IBA57: variants seen among roughly 807,000 people sequenced by gnomAD.
IBA57 encodes iron-sulfur cluster assembly factor IBA57, mitochondrial.
Under a neutral mutation model 20.4 loss-of-function variants are expected in IBA57, and 20 were observed. The observed-to-expected ratio is 0.98, with a 90% CI of 0.69 to 1.42. IBA57 has a LOEUF of 1.42. Ranked by LOEUF, IBA57 falls within the 40% of genes most tolerant of loss-of-function variation. The pLI is 0.00. For missense variants in IBA57, 608 were observed against 499.3 expected, an observed-to-expected ratio of 1.22 and a Z score of -2.07; for synonymous variants, 310 against 233.9, an observed-to-expected ratio of 1.33 and a Z score of -2.97.
At chr1:228,172,400 G>C (rs904749885) in intron 1 of IBA57, 1 of 152,196 alleles carries the variant, frequency 6.6e-6, no homozygotes, top group Non-Finnish European at 1.5e-5. Flanking sequence ...CTGTAAAATC[G>C]TGTCATTTCA....
chr1:228,169,051 C>T (rs548698274), intron 1 of IBA57, among the ~76,000 whole-genome samples: 31 of 152,048 alleles, frequency 2.0e-4, no homozygotes, highest in Non-Finnish European at 2.5e-4. Context: ...CTTAGGGCTG[C>T]GCTCGTTGGG....
In IBA57 at chr1:228,166,071, CGCGG is replaced by C. The variant is rs1002617439; in HGVS notation, c.257_260del (p.Ala86GlyfsTer14). 3 of 1,537,042 alleles carry C rather than the reference CGCGG, an allele frequency of 2.0e-6. No homozygotes were observed. In the African/African-American group the frequency reaches 4.2e-5, roughly 21 times the overall value. ...AACTGCCGCTTCCGAGTCCTGCGGC[CGCGG>C]GGGCCCCGCCTGCTGCGCGCGCGGG... On this transcript the variant is annotated frameshift_variant, in exon 1 of 3. Coordinates refer to ENST00000366711, the MANE Select transcript of IBA57 (RefSeq NM_001010867.4). LOFTEE classifies it high-confidence loss of function.
chr1:228,170,024 G>A lies in IBA57; in HGVS notation c.341+3867G>A, dbSNP rs1409012267. On this transcript the variant is annotated intron_variant, in intron 1 of 2. Coordinates refer to ENST00000366711, the MANE Select transcript of IBA57 (RefSeq NM_001010867.4). This position sits in a 1 kb window ranked among gnomAD's most constrained non-coding sequence, Gnocchi z 4.8. Reference sequence around the variant, plus strand: ...TGGGATTACAGGCATGCACCACCACGCCCAGCTAATTTTTGTATCTTTTTT... The same window carrying A: ...TGGGATTACAGGCATGCACCACCACACCCAGCTAATTTTTGTATCTTTTTT... 1.3e-5 allele frequency among the ~76,000 whole-genome samples: 2 copies of A among 152,016 alleles called. No individual in the cohort carries two copies. The highest frequency in any genetic ancestry group is 6.6e-5 in the Admixed American group (1 of 15,266).
intron 1 of IBA57, chr1:228,171,766 C>T (rs981615916): frequency 6.5e-6 from 1 of 153,274 alleles, no homozygotes; most frequent in Non-Finnish European, 1.5e-5. Flanking sequence ...GACCTGTGGT[C>T]CCTCAGCTCC....
Position 228,166,145 on chromosome 1 carries a change from T to C in IBA57, c.329T>C (p.Val110Ala), listed in dbSNP as rs769854120. 1.2e-5 allele frequency: 18 copies of C among 1,515,498 alleles called. 1 individual carries two copies. In the South Asian group the frequency reaches 1.6e-4, roughly 14 times the overall value. 93.9% of individuals were successfully genotyped at this position (1,515,498 alleles called of 1,614,324 possible). The change falls in exon 1 of 3, where the codon GTC (valine) becomes GCC (alanine). Residue 110 changes from valine (V) to alanine (A), a missense_variant. Physicochemically the swap from Val to Ala is moderately conservative, Grantham distance 64 (BLOSUM62 0). Transcript: ENST00000366711. Reference sequence around the variant, plus strand: ...GTGCAGGGCCGGACGCTCTATGACGTCATCTTGTACGGGTGAGCGCGTGCT... The same window carrying C: ...GTGCAGGGCCGGACGCTCTATGACGCCATCTTGTACGGGTGAGCGCGTGCT... The part of the protein sequence containing the change: ...LNVQGRTLYD[V>A]ILYGLQEHSE...
chr1:228,174,998 G>C lies in IBA57; in HGVS notation c.648G>C (p.Leu216Phe). 1.3e-6 allele frequency: 2 copies of C among 1,549,996 alleles called. No individual in the cohort carries two copies. The highest frequency in any genetic ancestry group is 2.3e-5 in the East Asian group (1 of 44,194). The change falls in exon 2 of 3, where the codon TTG (leucine) becomes TTC (phenylalanine). Residue 216 changes from leucine (L) to phenylalanine (F), a missense_variant. Physicochemically the swap from Leu to Phe is conservative, Grantham distance 22. Transcript: ENST00000366711. ...ALVPGGRLGDLWDYHQHRYLQ... is the reference protein window; with the variant it reads ...ALVPGGRLGDFWDYHQHRYLQ... Reference sequence around the variant, plus strand: ...TGCCCGGGGGCCGGCTCGGGGACTTGTGGGATTATCACCAGCACCGATACC... The same window carrying C: ...TGCCCGGGGGCCGGCTCGGGGACTTCTGGGATTATCACCAGCACCGATACC...
rs761470174 is a variant in IBA57, at chr1:228,175,433, C to T, written c.991C>T (p.Leu331=). 7.4e-6 allele frequency: 12 copies of T among 1,612,216 alleles called. No individual in the cohort carries two copies. Among genetic ancestry groups the T allele is most frequent in the Admixed American group, 1.7e-5 (1 of 59,916 alleles). Residue 331 remains leucine (L), a synonymous_variant, in exon 3 of 3, where the codon CTG becomes TTG. Coordinates refer to ENST00000366711, the MANE Select transcript of IBA57 (RefSeq NM_001010867.4). ...LLWSEKIKGP[L]HIRASEGAQV... ...GTGGTCAGAGAAGATCAAGGGTCCT[C>T]TGCACATCAGAGCCTCTGAGGGTGC...
Position 228,166,089 on chromosome 1 carries a change from T to A in IBA57, c.273T>A (p.Ala91=). The stretch of plus-strand genomic sequence containing the variant: ...CTGCGGCCGCGGGGGCCCCGCCTGC[T>A]GCGCGCGCGGGCTACGCCCACTTCC... ...PSPAAAGAPP[A]ARAGYAHFLN... Residue 91 remains alanine, a synonymous_variant, in exon 1 of 3, where the codon GCT becomes GCA. Coordinates refer to ENST00000366711, the MANE Select transcript of IBA57 (RefSeq NM_001010867.4). 1 of 1,538,892 alleles carries A rather than the reference T, an allele frequency of 6.5e-7. No homozygotes were observed.
chr1:228,168,510 T>A (rs1229404006), intron 1 of IBA57, among the ~76,000 whole-genome samples: 2 of 152,146 alleles, frequency 1.3e-5, no homozygotes, highest in Non-Finnish European at 2.9e-5. Flanking sequence ...CTCTTCATCC[T>A]TTCTTGCCTG....
rs764736636 is a variant in IBA57 at position 228,175,531 on chromosome 1, C to T, written c.*18C>T. 3.3e-6 allele frequency: 5 copies of T among 1,537,866 alleles called. No homozygotes were observed. The Admixed American group carries it at 5.9e-5, about 18-fold the overall frequency. On this transcript the variant is annotated 3_prime_UTR_variant, in exon 3 of 3. Transcript: ENST00000366711. Reference sequence around the variant, plus strand: ...CCAAGTAGTCCGAAGCCTTGGCTGGCGCAGGCTGATGGGGAGGCTGGGGCC... The same window carrying T: ...CCAAGTAGTCCGAAGCCTTGGCTGGTGCAGGCTGATGGGGAGGCTGGGGCC...
rs1254203432 is a variant in IBA57, at chr1:228,176,646, A to G, written c.*1133A>G. 1 of 152,394 alleles carries G rather than the reference A, an allele frequency of 6.6e-6. No individual in the cohort carries two copies. Among genetic ancestry groups the G allele is most frequent in the Non-Finnish European group, 1.5e-5 (1 of 68,186 alleles). 9.4% of individuals were successfully genotyped at this position (152,394 alleles called of 1,614,324 possible). A position where few individuals can be genotyped will look rare whatever the true frequency, so the allele number is the denominator to read the frequency against. On this transcript the variant is annotated 3_prime_UTR_variant, in exon 3 of 3. Transcript: ENST00000366711. Reference sequence around the variant, plus strand: ...GGCCTGGGGGGCAGGCGTTTGGGCCACCAAGCTGGACGTTAGGGTGGCCAC... The same window carrying G: ...GGCCTGGGGGGCAGGCGTTTGGGCCGCCAAGCTGGACGTTAGGGTGGCCAC...
chr1:228,166,249 G>A, intron 1 of IBA57, 92 bp downstream of exon 1: 2 of 757,578 alleles, frequency 2.6e-6, no homozygotes, highest in Non-Finnish European at 3.5e-6. Context: ...CCCGGGGCCT[G>A]CAGAGGGCGT....
rs1420665105 is a variant in IBA57, at chr1:228,178,050, T to A, written c.*2537T>A. 6.6e-6 allele frequency: 1 copy of A among 152,146 alleles called. No homozygotes were observed. Among genetic ancestry groups the A allele is most frequent in the Non-Finnish European group, 1.5e-5 (1 of 68,086 alleles). 9.4% of individuals were successfully genotyped at this position (152,146 alleles called of 1,614,324 possible). Reference sequence around the variant, plus strand: ...GTGAATTCAAGGCATAAGGTGCAGTTGTGTTATGTGGGTATAGTGCATGGT... The same window carrying A: ...GTGAATTCAAGGCATAAGGTGCAGTAGTGTTATGTGGGTATAGTGCATGGT... On this transcript the variant is annotated 3_prime_UTR_variant, in exon 3 of 3. Coordinates refer to ENST00000366711, the MANE Select transcript of IBA57 (RefSeq NM_001010867.4).
intron 1 of IBA57, chr1:228,171,151 C>T (rs2034920100): frequency 6.6e-6 from 1 of 152,194 alleles, no homozygotes; most frequent in East Asian, 1.9e-4. Context: ...AACCAGGTAC[C>T]CTATATTTTC....
At position 228,177,142 on chromosome 1, in the gene IBA57, G is replaced by C. The variant is rs907447011; in HGVS notation, c.*1629G>C. On this transcript the variant is annotated 3_prime_UTR_variant, in exon 3 of 3. Coordinates refer to ENST00000366711, the MANE Select transcript of IBA57 (RefSeq NM_001010867.4). ...AGCCAGGAGTGGGTGCCTGTGGCCT[G>C]TGTCACCAAGAGCTGGTGTCTCCTG... is the stretch of plus-strand genomic sequence containing the variant. The C allele has an allele frequency of 6.6e-6, 1 of 152,324 alleles. No individual in the cohort carries two copies. 9.4% of individuals were successfully genotyped at this position (152,324 alleles called of 1,614,324 possible). A position where few individuals can be genotyped will look rare whatever the true frequency, so the allele number is the denominator to read the frequency against.
At chr1:228,173,956 G>T (rs992275426) in intron 1 of IBA57, among the ~76,000 whole-genome samples, 15 of 152,342 alleles carry the variant, frequency 9.8e-5, no homozygotes, top group South Asian at 4.1e-4. Context: ...GCTGTGGGCA[G>T]GGCTTTCCAT....
chr1:228,165,890 C>CGGCCCCAAGGTGCCGCCT lies in IBA57; in HGVS notation c.80_97dup (p.Pro27_Ala32dup). 1 of 1,350,744 alleles carries CGGCCCCAAGGTGCCGCCT rather than the reference C, an allele frequency of 7.4e-7. No individual in the cohort carries two copies. The highest frequency in any genetic ancestry group is 1.8e-5 in the South Asian group (1 of 54,464). 83.7% of individuals were successfully genotyped at this position (1,350,744 alleles called of 1,614,324 possible). A position where few individuals can be genotyped will look rare whatever the true frequency, so the allele number is the denominator to read the frequency against. ...CCGGTCTGGCGCTGGCGGCTGCGCGCGGCCCCAAGGTGCCGCCTGGCCCAC... is the reference window on the plus strand; with the variant it reads ...CCGGTCTGGCGCTGGCGGCTGCGCGCGGCCCCAAGGTGCCGCCTGGCCCCAAGGTGCCGCCTGGCCCAC... On this transcript the variant is annotated inframe_insertion, in exon 1 of 3. Transcript: ENST00000366711.
rs1276192566 is a variant in IBA57, at chr1:228,166,101, C to T, written c.285C>T (p.Gly95=). The change falls in exon 1 of 3, where the codon GGC becomes GGT. Residue 95 remains glycine (G), a synonymous_variant. Transcript: ENST00000366711. The part of the protein sequence containing the change: ...AAGAPPAARA[G]YAHFLNVQGR... ...GGGCCCCGCCTGCTGCGCGCGCGGG[C>T]TACGCCCACTTCCTGAACGTGCAGG... 13 of 1,536,142 alleles carry T rather than the reference C, an allele frequency of 8.5e-6. No individual in the cohort carries two copies. Among genetic ancestry groups the T allele is most frequent in the South Asian group, 1.2e-5 (1 of 82,214 alleles).
chr1:228,175,671 C>A lies in IBA57; in HGVS notation c.*158C>A. The A allele has an allele frequency of 2.1e-6, 2 of 949,738 alleles. No homozygotes were observed. The highest frequency in any genetic ancestry group is 2.9e-6 in the Non-Finnish European group (2 of 678,540). The allele number at this position is 949,738 out of a possible 1,614,324, so 58.8% of individuals were successfully genotyped here. A position where few individuals can be genotyped will look rare whatever the true frequency, so the allele number is the denominator to read the frequency against. On this transcript the variant is annotated 3_prime_UTR_variant, in exon 3 of 3. Transcript: ENST00000366711. ...CCCCCTTGTAGGTGCCCTGCCTGGC[C>A]CCACCCATGCTCAGGGGCCCCAGGC...
Sources: gnomAD v4.1 joint callset for allele counts (sites outside exome capture counted in the v4.1 genomes callset) on GRCh38, gnomAD v4.1.1 for gene constraint, Gnocchi (gnomAD v3.1) non-coding constraint, MANE v1.5 for transcripts, NCBI Gene and HGNC (gene_info 2026-07-23, HGNC 2026-07-21) for gene names.